Variants in RBFOX1 observed in about 807,000 individuals in gnomAD.
RBFOX1 encodes RNA binding protein fox-1 homolog 1.
Under a neutral mutation model 57.7 loss-of-function variants are expected in RBFOX1, and 8 were observed. The ratio of observed to expected loss-of-function variants is 0.14; its 90% CI spans 0.08 to 0.25. The LOEUF (loss-of-function observed/expected upper bound fraction) is 0.25. RBFOX1 is among the 10% of genes least tolerant of loss of function. RBFOX1 has a pLI of 1.00. For synonymous variants in RBFOX1, 326 were observed against 222.4 expected, an observed-to-expected ratio of 1.47 and a Z score of -4.15; for missense variants, 611 against 548.5, an observed-to-expected ratio of 1.11 and a Z score of -1.14.
At chr16:5,985,740 C>G (rs1365052490) in intron 4 of RBFOX1, among the ~76,000 whole-genome samples, 1 of 152,018 alleles carries the variant, frequency 6.6e-6, no homozygotes, top group Non-Finnish European at 1.5e-5. Flanking sequence ...GCAGGCTGCC[C>G]CCAAAGACAA....
At position 5,290,561 on chromosome 16, in the gene RBFOX1, T is replaced by C. The variant is rs1408058649; in HGVS notation, c.219+50456T>C. 3.3e-5 allele frequency among the ~76,000 whole-genome samples: 5 copies of C among 152,304 alleles called. No individual in the cohort carries two copies. In the East Asian group the frequency reaches 5.8e-4, roughly 18 times the overall value. On this transcript the variant is annotated intron_variant, in intron 1 of 2. Transcript: ENST00000585867. ...TACCTGAATTATATTGTAATAGTTA[T>C]ATTAAACAAGTAAAATCTTCCTTGA...
chr16:5,931,824 T>C (rs1052564357), intron 4 of RBFOX1, among the ~76,000 whole-genome samples: 1 of 152,224 alleles, frequency 6.6e-6, no homozygotes, highest in Non-Finnish European at 1.5e-5. Context: ...TAGATTGTTA[T>C]GTGGCATAGG....
chr16:7,330,667 A>G (rs1057241642), intron 4 of RBFOX1, among the ~76,000 whole-genome samples: 2 of 152,108 alleles, frequency 1.3e-5, no homozygotes, highest in South Asian at 2.1e-4. Context: ...CCTCTCTTCT[A>G]TGCTCAGGAA....
chr16:7,520,433 C>A (rs946539141), intron 5 of RBFOX1, among the ~76,000 whole-genome samples: 4 of 152,150 alleles, frequency 2.6e-5, no homozygotes, highest in African/African-American at 7.2e-5. Flanking sequence ...CCCATTCTCC[C>A]TCTCCCCGGC....
chr16:7,317,743 A>G (rs1297354184), intron 4 of RBFOX1, among the ~76,000 whole-genome samples: 3 of 152,208 alleles, frequency 2.0e-5, no homozygotes, highest in Non-Finnish European at 4.4e-5. Context: ...AGTCTGAAAC[A>G]AATTACAAAT....
At chr16:5,979,526 T>C (rs1173139891) in intron 4 of RBFOX1, among the ~76,000 whole-genome samples, 1 of 152,252 alleles carries the variant, frequency 6.6e-6, no homozygotes. Flanking sequence ...ATTGCCCTCA[T>C]GTAATCCTTA....
intron 3 of RBFOX1, among the ~76,000 whole-genome samples, chr16:6,793,675 G>C (rs1460981179): frequency 6.6e-6 from 1 of 152,144 alleles, no homozygotes; most frequent in African/African-American, 2.4e-5. Context: ...TTGCTCTGTA[G>C]GAAATGAAAA....
At chr16:7,086,703 G>C (rs919131578) in intron 4 of RBFOX1, among the ~76,000 whole-genome samples, 1 of 34,926 alleles carries the variant, frequency 2.9e-5, no homozygotes, top group African/African-American at 1.6e-4. Context: ...ATTGCAAAGA[G>C]AGGGAGGGAA....
chr16:6,690,339 A>G (rs1203141957), intron 3 of RBFOX1, among the ~76,000 whole-genome samples: 1 of 152,176 alleles, frequency 6.6e-6, no homozygotes, highest in African/African-American at 2.4e-5. Context: ...TCACCTATGC[A>G]ATATACGTTT....
chr16:6,171,117 C>T (rs554923183), intron 1 of RBFOX1, among the ~76,000 whole-genome samples: 14 of 152,196 alleles, frequency 9.2e-5, no homozygotes, highest in East Asian at 1.9e-4. Context: ...GTGATGGGAT[C>T]GCTAGATCAA....
chr16:5,638,580 T>G (rs1401199367), intron 3 of RBFOX1, among the ~76,000 whole-genome samples: 1 of 152,194 alleles, frequency 6.6e-6, no homozygotes, highest in African/African-American at 2.4e-5. Context: ...AAAGTGGGGT[T>G]ATAGGAATGG....
chr16:6,964,176 C>T (rs113873431), intron 3 of RBFOX1, among the ~76,000 whole-genome samples: 8,621 of 152,096 alleles, frequency 0.057, 338 homozygotes, highest in Non-Finnish European at 0.082. Context: ...TGCCAACATG[C>T]CTGGCTAATT....
At chr16:5,963,950 C>G (rs1032939745) in intron 4 of RBFOX1, among the ~76,000 whole-genome samples, 3 of 152,192 alleles carry the variant, frequency 2.0e-5, no homozygotes, top group Admixed American at 2.0e-4. Context: ...AAACCCTCAA[C>G]AAAATGGAAA....
At chr16:7,292,381 T>C (rs2095805943) in intron 4 of RBFOX1, among the ~76,000 whole-genome samples, 1 of 140,704 alleles carries the variant, frequency 7.1e-6, no homozygotes, top group South Asian at 2.1e-4. Flanking sequence ...TCATATATGA[T>C]ATACATGATA....
chr16:5,911,005 C>A (rs1228056608), intron 4 of RBFOX1, among the ~76,000 whole-genome samples: 1 of 152,158 alleles, frequency 6.6e-6, no homozygotes, highest in South Asian at 2.1e-4. Context: ...AAATCATGCC[C>A]CCTTTCTCAC....
In RBFOX1 at chr16:6,972,922, G is replaced by A. The variant is rs575620904; in HGVS notation, c.-15-79135G>A. 1.7e-3 allele frequency among the ~76,000 whole-genome samples: 264 copies of A among 152,192 alleles called. 1 individual carries two copies. Among genetic ancestry groups the A allele is most frequent in the East Asian group, 1.4e-3 (7 of 5,162 alleles). ...GTGGATCACTTGAGGTCAGGAGTTC[G>A]AGGCCAACTTGGCCAACATGGTGAA... is the stretch of plus-strand genomic sequence containing the variant. On this transcript the variant is annotated intron_variant, in intron 3 of 15. Transcript: ENST00000550418.
intron 1 of RBFOX1, among the ~76,000 whole-genome samples, chr16:6,244,583 A>T (rs1045838579): frequency 6.6e-6 from 1 of 152,146 alleles, no homozygotes; most frequent in Non-Finnish European, 1.5e-5. Flanking sequence ...AGCTCACTGC[A>T]ATGTTCGCCT....
At chr16:5,847,094 T>A (rs938072440) in intron 3 of RBFOX1, among the ~76,000 whole-genome samples, 3 of 152,138 alleles carry the variant, frequency 2.0e-5, no homozygotes, top group Admixed American at 1.3e-4. Flanking sequence ...AATTCCGAAG[T>A]GGCTGTGCAA....
intron 2 of RBFOX1, among the ~76,000 whole-genome samples, chr16:6,416,139 G>T (rs905030669): frequency 2.0e-5 from 3 of 152,158 alleles, no homozygotes; most frequent in African/African-American, 7.2e-5. Flanking sequence ...CTACTTTTTG[G>T]AACATGGTGC....
Sources: allele counts gnomAD v4.1 joint callset (sites outside exome capture counted in the v4.1 genomes callset), GRCh38; gene constraint gnomAD v4.1.1; transcripts MANE v1.5; gene names NCBI Gene and HGNC (gene_info 2026-07-23, HGNC 2026-07-21).